Variants in ZNF736 observed in about 807,000 individuals in gnomAD.
The protein encoded by ZNF736 is KRAB-containing zinc-finger repressor protein.
In ZNF736, 6 loss-of-function variants were observed where a neutral mutation model predicts 11.7. The ratio of observed to expected loss-of-function variants is 0.51; its 90% CI spans 0.28 to 1.01. The LOEUF is 1.01. ZNF736 is among the 50% of genes least tolerant of loss of function. The pLI is 0.09. For missense variants in ZNF736, 444 were observed against 496.0 expected (o/e 0.90, Z 1.00); for synonymous variants, 139 against 164.7 (o/e 0.84, Z 1.19).
chr7:64,337,844 T>C (rs545989034), intron 3 of ZNF736, among the ~76,000 whole-genome samples: 1 of 145,726 alleles, frequency 6.9e-6, no homozygotes, highest in African/African-American at 2.5e-5. Flanking sequence ...AACCTCCGCC[T>C]CCCAGGTTCA....
At chr7:64,345,753 G>A (rs1463129931) in intron 3 of ZNF736, among the ~76,000 whole-genome samples, 141 of 63,548 alleles carry the variant, frequency 2.2e-3, no homozygotes, top group African/African-American at 6.7e-3. Flanking sequence ...AAAAAAAAAA[G>A]GTGTGTTGTT....
intron 3 of ZNF736, among the ~76,000 whole-genome samples, chr7:64,338,777 A>G (rs1260218957): frequency 6.6e-6 from 1 of 151,936 alleles, no homozygotes; most frequent in Non-Finnish European, 1.5e-5. Context: ...TATCTTGACA[A>G]TTGTGAAAAA....
intron 1 of ZNF736, among the ~76,000 whole-genome samples, chr7:64,331,765 T>G (rs974311166): frequency 1.3e-5 from 2 of 152,182 alleles, no homozygotes; most frequent in Non-Finnish European, 2.9e-5. Context: ...ATGAAGATCA[T>G]AGAGACTGCT....
At chr7:64,317,376 C>A (rs189643308) in intron 1 of ZNF736, among the ~76,000 whole-genome samples, 1 of 152,192 alleles carries the variant, frequency 6.6e-6, no homozygotes, top group African/African-American at 2.4e-5. Flanking sequence ...ATGAATGAAG[C>A]TGTTTTTTGA....
rs1361238872 is a variant in ZNF736, at chr7:64,313,999, T to G, written c.-152T>G. 3 of 1,059,824 alleles carry G rather than the reference T, an allele frequency of 2.8e-6. No individual in the cohort carries two copies. Among genetic ancestry groups the G allele is most frequent in the Admixed American group, 2.1e-5 (1 of 47,350 alleles). The allele number at this position is 1,059,824 out of a possible 1,614,324, so 65.7% of individuals were successfully genotyped here. A position where few individuals can be genotyped will look rare whatever the true frequency, so the allele number is the denominator to read the frequency against. ...TATGGCGGGGCCTTTGTCTCCTAGC[T>G]TCCGGGCTCTGATCCTAGTTCGCGT... is the stretch of plus-strand genomic sequence containing the variant. On this transcript the variant is annotated 5_prime_UTR_variant, in exon 1 of 4. Transcript: ENST00000423484.
intron 3 of ZNF736, among the ~76,000 whole-genome samples, chr7:64,341,301 A>T (rs1789334146): frequency 7.2e-6 from 1 of 138,940 alleles, no homozygotes; most frequent in Non-Finnish European, 1.6e-5. Context: ...CAAGTGGGGT[A>T]TGTTTTCTGT....
At chr7:64,343,762 CATTA>C (rs1040402571) in intron 3 of ZNF736, among the ~76,000 whole-genome samples, 6 of 152,028 alleles carry the variant, frequency 3.9e-5, no homozygotes, top group African/African-American at 9.7e-5. Flanking sequence ...GCCTATGTCA[CATTA>C]ATTAATTGTG....
At chr7:64,347,621 A>G (rs142847608) in intron 3 of ZNF736, among the ~76,000 whole-genome samples, 127 of 152,158 alleles carry the variant, frequency 8.3e-4, no homozygotes, top group African/African-American at 3.0e-3. Context: ...ACAGTCATTT[A>G]CCTTTGGTCT....
At chr7:64,331,373 C>T (rs1325586035) in intron 1 of ZNF736, among the ~76,000 whole-genome samples, 2 of 152,220 alleles carry the variant, frequency 1.3e-5, no homozygotes, top group Non-Finnish European at 2.9e-5. Flanking sequence ...AATCACCGCA[C>T]TCTCCCTTCT....
intron 3 of ZNF736, among the ~76,000 whole-genome samples, chr7:64,341,949 G>T (rs1490872272): frequency 6.6e-6 from 1 of 151,958 alleles, no homozygotes; most frequent in Non-Finnish European, 1.5e-5. Flanking sequence ...ATGTGGATTG[G>T]GAGGCTGTTC....
chr7:64,315,045 A>G (rs960122713), intron 1 of ZNF736, among the ~76,000 whole-genome samples: 1 of 152,144 alleles, frequency 6.6e-6, no homozygotes, highest in African/African-American at 2.4e-5. Context: ...ATAGTGAGTG[A>G]GTTCCCTGAA....
intron 1 of ZNF736, among the ~76,000 whole-genome samples, chr7:64,318,542 G>A (rs1199670052): frequency 6.6e-6 from 1 of 151,876 alleles, no homozygotes; most frequent in African/African-American, 2.4e-5. Context: ...ACCATGTTGG[G>A]CAAGTATCAT....
intron 1 of ZNF736, among the ~76,000 whole-genome samples, chr7:64,320,794 C>A (rs1788992529): frequency 6.6e-6 from 1 of 152,144 alleles, no homozygotes; most frequent in Admixed American, 6.5e-5. Context: ...GAAGGCCTTT[C>A]ATTAAATTTC....
intron 1 of ZNF736, among the ~76,000 whole-genome samples, chr7:64,315,257 A>G (rs1788896132): frequency 6.6e-6 from 1 of 152,230 alleles, no homozygotes; most frequent in Non-Finnish European, 1.5e-5. Context: ...TAGTAATGCC[A>G]GAAGCGATTA....
At chr7:64,330,252 G>A (rs1789144154) in intron 1 of ZNF736, among the ~76,000 whole-genome samples, 1 of 152,150 alleles carries the variant, frequency 6.6e-6, no homozygotes, top group African/African-American at 2.4e-5. Flanking sequence ...CGCCTCCCGG[G>A]TTCCCGCCAT....
At chr7:64,335,645 CTCT>C (rs1789238198) in intron 1 of ZNF736, among the ~76,000 whole-genome samples, 1 of 152,212 alleles carries the variant, frequency 6.6e-6, no homozygotes, top group Admixed American at 6.5e-5. Context: ...AATCTGACAG[CTCT>C]TCTTTCTTCC....
At chr7:64,319,559 G>C (rs118085737) in intron 1 of ZNF736, among the ~76,000 whole-genome samples, 1 of 130,812 alleles carries the variant, frequency 7.6e-6, no homozygotes, top group African/African-American at 2.9e-5. Flanking sequence ...GCAGTCGAGC[G>C]GTCTTGGCTC....
rs774393389 is a variant in ZNF736 at position 64,356,397 on chromosome 7, A to G, written c.*7250A>G. On this transcript the variant is annotated 3_prime_UTR_variant, in exon 4 of 4. Transcript: ENST00000423484. ...TGAATATCAATTGTCAAGTGTGTTG[A>G]TTTCTAAGATAAAATATTTGAGAAT... Among the ~76,000 whole-genome samples, 2 of 152,142 alleles carry G rather than the reference A, an allele frequency of 1.3e-5. No homozygotes were observed. Among genetic ancestry groups the G allele is most frequent in the African/African-American group, 2.4e-5 (1 of 41,440 alleles).
intron 3 of ZNF736, among the ~76,000 whole-genome samples, chr7:64,346,441 A>T (rs581612): frequency 6.7e-6 from 1 of 150,142 alleles, no homozygotes. Context: ...TCATTTTGGA[A>T]GATACTTTTG....
Sources: gnomAD v4.1 joint callset for allele counts (sites outside exome capture counted in the v4.1 genomes callset) on GRCh38, gnomAD v4.1.1 for gene constraint, MANE v1.5 for transcripts, NCBI Gene and HGNC (gene_info 2026-07-23, HGNC 2026-07-21) for gene names.